Variants in NUDT9 observed in about 807,000 individuals in gnomAD.
The protein encoded by NUDT9 is ADP-ribose pyrophosphatase.
In NUDT9, 31 loss-of-function variants were observed where a neutral mutation model predicts 41.0. That is an observed-to-expected ratio of 0.76 (90% CI 0.57 to 1.02). The LOEUF is 1.02. NUDT9 is among the 50% of genes least tolerant of loss of function. The pLI is 0.00. For synonymous variants in NUDT9, 146 were observed against 147.6 expected, an observed-to-expected ratio of 0.99 and a Z score of 0.08; for missense variants, 380 against 431.4, an observed-to-expected ratio of 0.88 and a Z score of 1.06.
At chr4:87,438,485 T>C in intron 3 of NUDT9, 113 bp downstream of exon 3, 1 of 563,644 alleles carries the variant, frequency 1.8e-6, no homozygotes, top group South Asian at 2.2e-5. Context: ...TTTATTTACA[T>C]ATGTGATGTA....
At chr4:87,426,955 T>A (rs1223893912) in intron 1 of NUDT9, among the ~76,000 whole-genome samples, 23 of 130,424 alleles carry the variant, frequency 1.8e-4, no homozygotes, top group Non-Finnish European at 2.0e-4. Flanking sequence ...AACAAAAAAC[T>A]AAACCAAAAA....
rs543386850 is a variant in NUDT9 at position 87,432,411 on chromosome 4, T to G, written c.108-2570T>G. Among the ~76,000 whole-genome samples, 191 of 152,338 alleles carry G rather than the reference T, an allele frequency of 1.3e-3. 1 individual carries two copies. The highest frequency in any genetic ancestry group is 4.3e-3 in the African/African-American group (178 of 41,580). On this transcript the variant is annotated intron_variant, in intron 1 of 7. Transcript: ENST00000302174. Reference sequence around the variant, plus strand: ...TCAGCACTCAAAAAATTTCTGATTTTGGATTTTTGGATTAGGGATGCTCAA... The same window carrying G: ...TCAGCACTCAAAAAATTTCTGATTTGGGATTTTTGGATTAGGGATGCTCAA...
At chr4:87,444,297 TA>T in intron 4 of NUDT9, among the ~76,000 whole-genome samples, 1 of 152,230 alleles carries the variant, frequency 6.6e-6, no homozygotes, top group South Asian at 2.1e-4. Flanking sequence ...ACTCTTTATA[TA>T]TTTTTTTATT....
chr4:87,426,970 A>G (rs1721454935), intron 1 of NUDT9, among the ~76,000 whole-genome samples: 1 of 151,434 alleles, frequency 6.6e-6, no homozygotes, highest in East Asian at 1.9e-4. Flanking sequence ...CAAAAAAAAA[A>G]AAAGCCAGGT....
At position 87,451,578 on chromosome 4, in the gene NUDT9, G is replaced by T. The variant is rs1302960073; in HGVS notation, c.643-11G>T. 10 of 1,597,492 alleles carry T rather than the reference G, an allele frequency of 6.3e-6. No homozygotes were observed. Among genetic ancestry groups the T allele is most frequent in the Admixed American group, 5.5e-5 (3 of 54,420 alleles). On this transcript the variant is annotated splice_polypyrimidine_tract_variant and intron_variant, in intron 5 of 7. Coordinates refer to ENST00000302174, the MANE Select transcript of NUDT9 (RefSeq NM_024047.5). ...GATCCCTTTTTTCAAAATTTTTAATGTGACTCTTAGGGGATGGTGGATCCA... is the reference window on the plus strand; with the variant it reads ...GATCCCTTTTTTCAAAATTTTTAATTTGACTCTTAGGGGATGGTGGATCCA...
chr4:87,425,485 C>G (rs549091447), intron 1 of NUDT9, among the ~76,000 whole-genome samples: 15 of 149,322 alleles, frequency 1.0e-4, no homozygotes, highest in Non-Finnish European at 1.9e-4. Flanking sequence ...ACCTCCGCCT[C>G]CCAGGTTCTA....
rs79569855 is a variant in NUDT9, at chr4:87,441,935, A to G, written c.530+20A>G. 6,564 of 1,559,910 alleles carry G rather than the reference A, an allele frequency of 4.2e-3. 244 individuals are homozygous for G. In the Admixed American group the frequency reaches 0.072, roughly 17 times the overall value. On this transcript the variant is annotated intron_variant, in intron 4 of 7. Coordinates refer to ENST00000302174, the MANE Select transcript of NUDT9 (RefSeq NM_024047.5). ...AACCAGGTAAGAACCAATAAAAAGC[A>G]TATCAGTAGCAAAGAGCTAAGTGAT...
intron 5 of NUDT9, among the ~76,000 whole-genome samples, chr4:87,449,481 C>T (rs114497149): frequency 0.016 from 2,499 of 152,262 alleles, 31 homozygotes; most frequent in South Asian, 0.031. Context: ...TGGGAAATAA[C>T]GTGGGCTTTG....
At chr4:87,454,304 G>T in intron 6 of NUDT9, 67 bp from the exon 7 acceptor site, 2 of 820,512 alleles carry the variant, frequency 2.4e-6, no homozygotes, top group Admixed American at 1.8e-5. Context: ...TGCTAGTGAA[G>T]GTAACATGCT....
chr4:87,436,868 C>T (rs1346974422), intron 2 of NUDT9, among the ~76,000 whole-genome samples: 1 of 152,134 alleles, frequency 6.6e-6, no homozygotes, highest in Admixed American at 6.5e-5. Context: ...CTATCCAGTG[C>T]TATGTAACTC....
chr4:87,451,403 C>A (rs1722701839), intron 5 of NUDT9, among the ~76,000 whole-genome samples, 186 bp from the exon 6 acceptor site: 1 of 152,190 alleles, frequency 6.6e-6, no homozygotes, highest in African/African-American at 2.4e-5. Context: ...TGGCCAAATA[C>A]ATGAGGTATC....
chr4:87,456,276 T>C (rs1722987890), intron 7 of NUDT9, among the ~76,000 whole-genome samples: 2 of 152,208 alleles, frequency 1.3e-5, no homozygotes, highest in Non-Finnish European at 2.9e-5. Context: ...GTCAGTCTTT[T>C]AGTGAGCCTG....
intron 4 of NUDT9, 127 bp downstream of exon 4, chr4:87,442,042 T>C: frequency 1.6e-6 from 1 of 641,424 alleles, no homozygotes; most frequent in Non-Finnish European, 2.7e-6. Context: ...TGTATATATA[T>C]GTATGTATAC....
intron 3 of NUDT9, among the ~76,000 whole-genome samples, chr4:87,439,016 A>G (rs1443241694): frequency 6.6e-6 from 1 of 152,042 alleles, no homozygotes; most frequent in African/African-American, 2.4e-5. Context: ...AAGATAAAAA[A>G]TTTAGCCAGG....
At chr4:87,427,382 C>T (rs147094166) in intron 1 of NUDT9, among the ~76,000 whole-genome samples, 194 of 152,212 alleles carry the variant, frequency 1.3e-3, no homozygotes, top group African/African-American at 4.3e-3. Context: ...ATTTGCTAGG[C>T]CAAATATATT....
chr4:87,430,093 T>C (rs1452947046), intron 1 of NUDT9, among the ~76,000 whole-genome samples: 1 of 152,132 alleles, frequency 6.6e-6, no homozygotes, highest in Non-Finnish European at 1.5e-5. Flanking sequence ...CCTTAAAAAA[T>C]GGCCTGGCCG....
At chr4:87,441,993 A>G (rs983642917) in intron 4 of NUDT9, 78 bp downstream of exon 4, 34 of 923,048 alleles carry the variant, frequency 3.7e-5, no homozygotes, top group African/African-American at 5.0e-5. Context: ...ATGTTTGTGT[A>G]TATATGTATA....
intron 4 of NUDT9, among the ~76,000 whole-genome samples, chr4:87,446,266 T>A (rs1722451018): frequency 6.7e-6 from 1 of 150,288 alleles, no homozygotes; most frequent in Admixed American, 6.6e-5. Context: ...TTTTTTTTTT[T>A]AAGACAGATT....
At chr4:87,426,441 G>A (rs1208127908) in intron 1 of NUDT9, among the ~76,000 whole-genome samples, 4 of 150,776 alleles carry the variant, frequency 2.7e-5, no homozygotes, top group Admixed American at 1.3e-4. Flanking sequence ...ACAGAGTCTC[G>A]CACTGTCGCC....
Sources: gnomAD v4.1 joint callset for allele counts (sites outside exome capture counted in the v4.1 genomes callset) on GRCh38, gnomAD v4.1.1 for gene constraint, MANE v1.5 for transcripts, NCBI Gene and HGNC (gene_info 2026-07-23, HGNC 2026-07-21) for gene names.